The following ZNF316 variants were observed in gnomAD, a reference collection of about 807,000 sequenced individuals.
ZNF316 encodes zinc finger protein 316.
A neutral mutation model predicts 75.6 loss-of-function variants in ZNF316; 23 were observed. The ratio of observed to expected loss-of-function variants is 0.30; its 90% CI spans 0.22 to 0.43. The LOEUF (loss-of-function observed/expected upper bound fraction) is 0.43, where lower values mean the gene tolerates loss of function less well. Among genes scored for constraint, ZNF316 ranks in the 20% least tolerant of loss-of-function variants. ZNF316 has a pLI of 1.00. For missense variants in ZNF316, 1,266 were observed against 1,409.4 expected, an observed-to-expected ratio of 0.90 and a Z score of 1.63; for synonymous variants, 827 against 666.2, an observed-to-expected ratio of 1.24 and a Z score of -3.72.
chr7:6,651,889 C>A (rs924461721), intron 8 of ZNF316, among the ~76,000 whole-genome samples: 2 of 152,240 alleles, frequency 1.3e-5, no homozygotes, highest in South Asian at 2.1e-4. Context: ...AAAACTGCCC[C>A]AGCGTCTCCA....
At chr7:6,649,722 C>T (rs998786480) in intron 8 of ZNF316, among the ~76,000 whole-genome samples, 2 of 152,210 alleles carry the variant, frequency 1.3e-5, no homozygotes, top group South Asian at 2.1e-4. Context: ...CCCTCCTGCA[C>T]TCGGTGTCAA....
chr7:6,655,430 C>T lies in ZNF316; in HGVS notation c.*819C>T, dbSNP rs1483944781. On this transcript the variant is annotated 3_prime_UTR_variant, in exon 9 of 9. Transcript: ENST00000382252. ...TTCGGTTTTGGTCTCTGCTTGTCCT[C>T]TCAGTCCTTGGTACTTTCGTCTCCC... The T allele has an allele frequency of 1.3e-5, 2 of 152,220 alleles. No homozygotes were observed. Among genetic ancestry groups the T allele is most frequent in the Non-Finnish European group, 2.9e-5 (2 of 68,116 alleles). 9.4% of individuals were successfully genotyped at this position (152,220 alleles called of 1,614,324 possible). A position where few individuals can be genotyped will look rare whatever the true frequency, so the allele number is the denominator to read the frequency against.
chr7:6,646,262 C>T (rs922312493), intron 8 of ZNF316, among the ~76,000 whole-genome samples: 7 of 152,140 alleles, frequency 4.6e-5, no homozygotes, highest in Non-Finnish European at 7.4e-5. Flanking sequence ...TTGGAATATT[C>T]CCCAGGTTTC....
rs150432944 is a variant in ZNF316, at chr7:6,647,496, G to T, written c.706+2903G>T. 4.1e-3 allele frequency among the ~76,000 whole-genome samples: 622 copies of T among 152,386 alleles called. 3 individuals carry two copies. The highest frequency in any genetic ancestry group is 6.6e-3 in the Non-Finnish European group (450 of 68,036). On this transcript the variant is annotated intron_variant, in intron 8 of 8. Coordinates refer to ENST00000382252, the MANE Select transcript of ZNF316 (RefSeq NM_001278559.2). ...AGAGAAGATCTCCCTAAGGCCATCT[G>T]GAGTTTGTGTCTGAATGGAGAAAGT...
Position 6,644,033 on chromosome 7 carries a change from A to C in ZNF316, c.592+85A>C, listed in dbSNP as rs1420752616. On this transcript the variant is annotated intron_variant, in intron 7 of 8. Coordinates refer to ENST00000382252, the MANE Select transcript of ZNF316 (RefSeq NM_001278559.2). Reference sequence around the variant, plus strand: ...AGCTGTCTGACGGGGCGCTTTTCAAATCCCAGGGTCTTTCCAAAGGTGGAT... The same window carrying C: ...AGCTGTCTGACGGGGCGCTTTTCAACTCCCAGGGTCTTTCCAAAGGTGGAT... 4 of 1,212,766 alleles carry C rather than the reference A, an allele frequency of 3.3e-6. No homozygotes were observed. The East Asian group carries it at 1.3e-4, about 39-fold the overall frequency. 75.1% of individuals were successfully genotyped at this position (1,212,766 alleles called of 1,614,324 possible).
chr7:6,653,593 GC>G lies in ZNF316; in HGVS notation c.1998del (p.Ala667ArgfsTer124). On this transcript the variant is annotated frameshift_variant, in exon 9 of 9. Coordinates refer to ENST00000382252, the MANE Select transcript of ZNF316 (RefSeq NM_001278559.2). LOFTEE classifies it high-confidence loss of function. ...GCCGCGGGCGGCGGAGGCGGCCTGC[GC>G]GCGTTCGGGCCCGCCATCGGGGGTC... The part of the protein sequence containing the change: ...GGAAGGGGGL[R>X]AFGPAIGGLL... 1 of 1,065,878 alleles carries G rather than the reference GC, an allele frequency of 9.4e-7. No individual in the cohort carries two copies. Among genetic ancestry groups the G allele is most frequent in the Non-Finnish European group, 1.1e-6 (1 of 880,882 alleles). The allele number at this position is 1,065,878 out of a possible 1,614,324, so 66.0% of individuals were successfully genotyped here.
Position 6,657,400 on chromosome 7 carries a change from G to A in ZNF316, c.*2789G>A, listed in dbSNP as rs1375399536. Reference sequence around the variant, plus strand: ...CTTGGGAGGCTGAGGTGGGAGGATCGCCTGAGACCAGAAATTCAAGGCCAA... The same window carrying A: ...CTTGGGAGGCTGAGGTGGGAGGATCACCTGAGACCAGAAATTCAAGGCCAA... On this transcript the variant is annotated 3_prime_UTR_variant, in exon 9 of 9. Transcript: ENST00000382252. Among the ~76,000 whole-genome samples, 4 of 149,740 alleles carry A rather than the reference G, an allele frequency of 2.7e-5. No individual in the cohort carries two copies. The highest frequency in any genetic ancestry group is 2.0e-4 in the Admixed American group (3 of 14,986).
rs1396015472 is a variant in ZNF316, at chr7:6,655,697, A to G, written c.*1086A>G. ...CTGCTTCTGTCATTACACTAGAACAAGTAGTGTTTCTGTTTAGAGTCCCAT... is the reference window on the plus strand; with the variant it reads ...CTGCTTCTGTCATTACACTAGAACAGGTAGTGTTTCTGTTTAGAGTCCCAT... On this transcript the variant is annotated 3_prime_UTR_variant, in exon 9 of 9. Coordinates refer to ENST00000382252, the MANE Select transcript of ZNF316 (RefSeq NM_001278559.2). 1 of 152,198 alleles carries G rather than the reference A, an allele frequency of 6.6e-6. No individual in the cohort carries two copies. The highest frequency in any genetic ancestry group is 1.5e-5 in the Non-Finnish European group (1 of 68,042). The allele number at this position is 152,198 out of a possible 1,614,324, so 9.4% of individuals were successfully genotyped here. A position where few individuals can be genotyped will look rare whatever the true frequency, so the allele number is the denominator to read the frequency against.
At chr7:6,638,113 A>C (rs1171703109) in intron 2 of ZNF316, 104 bp downstream of exon 2, 3 of 153,006 alleles carry the variant, frequency 2.0e-5, no homozygotes, top group African/African-American at 7.2e-5. Context: ...CCCGATGGGC[A>C]AGAGGAAGTG....
chr7:6,652,497 C>A lies in ZNF316; in HGVS notation c.901C>A (p.Pro301Thr). ...AQTPEGWGPD[P>T]GGLGVLADGS... ...GACTCCAGAGGGGTGGGGACCCGAC[C>A]CAGGCGGCCTGGGGGTCCTGGCCGA... is the stretch of plus-strand genomic sequence containing the variant. The change falls in exon 9 of 9, where the codon CCA (proline) becomes ACA (threonine). Residue 301 changes from proline to threonine, a missense_variant. Physicochemically the swap from Pro to Thr is conservative, Grantham distance 38 (BLOSUM62 -1). Around this residue, in one of 3 missense-constraint regions of ZNF316, gnomAD observed 961 missense variants for 990.9 expected, o/e 0.97. Transcript: ENST00000382252. The A allele has an allele frequency of 2.4e-6, 3 of 1,231,376 alleles. No homozygotes were observed. Among genetic ancestry groups the A allele is most frequent in the Non-Finnish European group, 3.0e-6 (3 of 987,618 alleles). 76.3% of individuals were successfully genotyped at this position (1,231,376 alleles called of 1,614,324 possible).
At position 6,644,508 on chromosome 7, in the gene ZNF316, C is replaced by T. The variant is rs928607406; in HGVS notation, c.621C>T (p.Ile207=). The T allele has an allele frequency of 6.3e-5, 78 of 1,232,204 alleles. No homozygotes were observed. The highest frequency in any genetic ancestry group is 7.3e-5 in the Non-Finnish European group (72 of 988,060). 76.3% of individuals were successfully genotyped at this position (1,232,204 alleles called of 1,614,324 possible). Residue 207 remains isoleucine (I), a synonymous_variant, in exon 8 of 9, where the codon ATC becomes ATT. Coordinates refer to ENST00000382252, the MANE Select transcript of ZNF316 (RefSeq NM_001278559.2). ...ACCCAATTCCCAAGCCCGATCTGAT[C>T]TTCCGGCTGGAACAAGGGGAAGAAC... ...LGYPIPKPDL[I]FRLEQGEEPW...
intron 8 of ZNF316, among the ~76,000 whole-genome samples, chr7:6,645,292 C>T (rs1487157104): frequency 6.6e-6 from 1 of 152,210 alleles, no homozygotes; most frequent in Non-Finnish European, 1.5e-5. Flanking sequence ...GAGAGCTCTG[C>T]AGAGGCCCCT....
chr7:6,654,452 C>G lies in ZNF316; in HGVS notation c.2856C>G (p.Pro952=). The part of the protein sequence containing the change: ...AAPGSGSAPA[P]APKPEAAAKG... ...CGGGCTCGGGTTCGGCCCCAGCCCC[C>G]GCGCCCAAGCCCGAGGCGGCCGCCA... The change falls in exon 9 of 9, where the codon CCC becomes CCG. Residue 952 remains proline (P), a synonymous_variant. Transcript: ENST00000382252. 1 of 1,200,088 alleles carries G rather than the reference C, an allele frequency of 8.3e-7. No individual in the cohort carries two copies. Among genetic ancestry groups the G allele is most frequent in the African/African-American group, 1.6e-5 (1 of 63,008 alleles). The allele number at this position is 1,200,088 out of a possible 1,614,324, so 74.3% of individuals were successfully genotyped here.
Position 6,657,963 on chromosome 7 carries a change from T to C in ZNF316, c.*3352T>C, listed in dbSNP as rs1487450815. Among the ~76,000 whole-genome samples the C allele has an allele frequency of 6.7e-6, 1 of 150,102 alleles. No individual in the cohort carries two copies. The highest frequency in any genetic ancestry group is 2.5e-5 in the African/African-American group (1 of 40,606). On this transcript the variant is annotated 3_prime_UTR_variant, in exon 9 of 9. Coordinates refer to ENST00000382252, the MANE Select transcript of ZNF316 (RefSeq NM_001278559.2). Reference sequence around the variant, plus strand: ...CATCCAATGGTCATAGGAAAAAAAGTAGACACCCTTTATTGCCAAGGAGGA... The same window carrying C: ...CATCCAATGGTCATAGGAAAAAAAGCAGACACCCTTTATTGCCAAGGAGGA...
Position 6,657,160 on chromosome 7 carries a change from G to GT in ZNF316, c.*2556dup, listed in dbSNP as rs1779642235. On this transcript the variant is annotated 3_prime_UTR_variant, in exon 9 of 9. Transcript: ENST00000382252. ...AGGCATGTGCCACCATGCCCAGCGAGTTTTTTTGTATTTTTAGTAGAGATG... is the reference window on the plus strand; with the variant it reads ...AGGCATGTGCCACCATGCCCAGCGAGTTTTTTTTGTATTTTTAGTAGAGATG... Among the ~76,000 whole-genome samples the GT allele has an allele frequency of 6.6e-6, 1 of 151,910 alleles. No homozygotes were observed. The highest frequency in any genetic ancestry group is 6.6e-5 in the Admixed American group (1 of 15,220).
intron 8 of ZNF316, among the ~76,000 whole-genome samples, chr7:6,652,020 A>ATGT (rs1330577416): frequency 6.6e-6 from 1 of 151,990 alleles, no homozygotes; most frequent in African/African-American, 2.4e-5. Context: ...TCTGGAAGAG[A>ATGT]TGTTGGACGG....
In ZNF316 at chr7:6,637,505, C is replaced by A. The variant is rs1363222082; in HGVS notation, c.-431+58C>A. ...GCGCGGGCGGCAGGTGCGGGCGGGC[C>A]GGGCTTGCGCTCGGGGGCGGCGGCG... On this transcript the variant is annotated intron_variant, in intron 1 of 8. Coordinates refer to ENST00000382252, the MANE Select transcript of ZNF316 (RefSeq NM_001278559.2). This position sits in a 1 kb window ranked among gnomAD's most constrained non-coding sequence, Gnocchi z 6.2. The A allele has an allele frequency of 6.8e-6, 1 of 146,376 alleles. No individual in the cohort carries two copies. Among genetic ancestry groups the A allele is most frequent in the Non-Finnish European group, 1.5e-5 (1 of 65,592 alleles). The allele number at this position is 146,376 out of a possible 1,614,324, so 9.1% of individuals were successfully genotyped here.
rs564136142 is a variant in ZNF316, at chr7:6,644,625, C to A, written c.706+32C>A. 58 of 1,169,828 alleles carry A rather than the reference C, an allele frequency of 5.0e-5. No homozygotes were observed. The East Asian group carries it at 1.8e-3, about 37-fold the overall frequency. 72.5% of individuals were successfully genotyped at this position (1,169,828 alleles called of 1,614,324 possible). A position where few individuals can be genotyped will look rare whatever the true frequency, so the allele number is the denominator to read the frequency against. On this transcript the variant is annotated intron_variant, in intron 8 of 8. Transcript: ENST00000382252. The stretch of plus-strand genomic sequence containing the variant: ...GTGGATGGAATTTTGCGGTTTGTGC[C>A]GATAGCTTCTCAGAGCTGTTGTCAA...
intron 8 of ZNF316, among the ~76,000 whole-genome samples, chr7:6,646,036 T>A (rs1038245028): frequency 1.4e-5 from 2 of 144,806 alleles, no homozygotes; most frequent in Non-Finnish European, 3.0e-5. Context: ...GAGAACTCCC[T>A]CACTATCATG....
Sources: allele counts gnomAD v4.1 joint callset (sites outside exome capture counted in the v4.1 genomes callset), GRCh38; gene constraint gnomAD v4.1.1; regional missense constraint gnomAD v4.1.1; non-coding constraint Gnocchi (gnomAD v3.1); transcripts MANE v1.5; gene names NCBI Gene and HGNC (gene_info 2026-07-23, HGNC 2026-07-21).